Variants in RFC3 observed in about 807,000 individuals in gnomAD.
RFC3 encodes replication factor C subunit 3, also known as A1 38 kDa subunit.
A neutral mutation model predicts 45.1 loss-of-function variants in RFC3; 41 were observed. That is an observed-to-expected ratio of 0.91 (90% confidence interval 0.71 to 1.18). RFC3 has a LOEUF of 1.18. RFC3 is among the 50% of genes most tolerant of loss of function. The pLI is 0.00. For synonymous variants in RFC3, 149 were observed against 144.0 expected (o/e 1.03, Z -0.25); for missense variants, 423 against 428.1 (o/e 0.99, Z 0.10).
chr13:33,958,432 A>G (rs116217129), intron 8 of RFC3, among the ~76,000 whole-genome samples: 2,302 of 152,302 alleles, frequency 0.015, 67 homozygotes, highest in African/African-American at 0.053. Flanking sequence ...CTTATAATCA[A>G]GTGAAGCTTT....
intron 8 of RFC3, among the ~76,000 whole-genome samples, chr13:33,899,383 G>A (rs371282746): frequency 2.4e-4 from 36 of 151,608 alleles, no homozygotes; most frequent in Non-Finnish European, 3.8e-4. Flanking sequence ...TTCAACATAC[G>A]CAAATCAGTA....
At chr13:33,939,707 G>T (rs1038181053) in intron 8 of RFC3, among the ~76,000 whole-genome samples, 1 of 152,144 alleles carries the variant, frequency 6.6e-6, no homozygotes, top group African/African-American at 2.4e-5. Flanking sequence ...TCGGAAGCGG[G>T]AACAGTCTTG....
intron 8 of RFC3, among the ~76,000 whole-genome samples, chr13:33,859,072 T>C (rs552505996): frequency 1.4e-4 from 21 of 152,352 alleles, no homozygotes; most frequent in Non-Finnish European, 2.9e-4. Context: ...TCACATTTAT[T>C]GTTCCTGGTA....
chr13:33,923,478 T>G (rs1384496027), intron 8 of RFC3, among the ~76,000 whole-genome samples: 1 of 152,030 alleles, frequency 6.6e-6, no homozygotes, highest in Non-Finnish European at 1.5e-5. Context: ...ACACGAAAAC[T>G]AGTGGATTCA....
chr13:33,902,544 G>A (rs1438295788), intron 8 of RFC3, among the ~76,000 whole-genome samples: 1 of 152,038 alleles, frequency 6.6e-6, no homozygotes, highest in African/African-American at 2.4e-5. Flanking sequence ...AGCATTTAAT[G>A]ATTATAGTTT....
chr13:33,838,164 A>T, downstream of RFC3, among the ~76,000 whole-genome samples: 1 of 152,078 alleles, frequency 6.6e-6, no homozygotes, highest in East Asian at 1.9e-4. Context: ...TAATATCTTG[A>T]TATATTGACT....
intron 8 of RFC3, among the ~76,000 whole-genome samples, chr13:33,871,670 A>G (rs9315261): frequency 0.77 from 116,876 of 152,102 alleles, 47,384 homozygotes; most frequent in Non-Finnish European, 0.92. Context: ...ATATCCCTTT[A>G]CCTTGCATTA....
At chr13:33,906,290 T>C (rs1014379133) in intron 8 of RFC3, among the ~76,000 whole-genome samples, 3 of 151,826 alleles carry the variant, frequency 2.0e-5, no homozygotes, top group South Asian at 2.1e-4. Context: ...GAGAGATTGA[T>C]TGGTAGTTTA....
intron 8 of RFC3, among the ~76,000 whole-genome samples, chr13:33,910,962 G>T (rs1439088029): frequency 2.6e-5 from 4 of 151,700 alleles, no homozygotes; most frequent in African/African-American, 9.7e-5. Flanking sequence ...CACGAAAGGG[G>T]GAAATCCACA....
chr13:33,825,495 A>T (rs763493200), intron 3 of RFC3, among the ~76,000 whole-genome samples: 9 of 152,160 alleles, frequency 5.9e-5, no homozygotes, highest in Non-Finnish European at 1.2e-4. Flanking sequence ...TATAGTCGGT[A>T]CAGAAGTGTC....
intron 5 of RFC3, 124 bp downstream of exon 5, chr13:33,830,141 C>G: frequency 1.3e-6 from 1 of 796,364 alleles, no homozygotes. Flanking sequence ...GGATGCAAAG[C>G]ATTAATATGT....
At chr13:33,966,658 A>C (rs1467960403), downstream of RFC3, 3 of 153,276 alleles carry the variant, frequency 2.0e-5, no homozygotes, top group South Asian at 2.1e-4. Flanking sequence ...ATTATATTCA[A>C]ATTACAGCTT....
At chr13:33,918,177 CCT>C (rs1373180119) in intron 8 of RFC3, among the ~76,000 whole-genome samples, 1 of 152,282 alleles carries the variant, frequency 6.6e-6, no homozygotes, top group East Asian at 1.9e-4. Flanking sequence ...CATCATTCTG[CCT>C]CTCAAGGCAA....
intron 8 of RFC3, among the ~76,000 whole-genome samples, chr13:33,876,582 T>C (rs764984559): frequency 8.5e-5 from 13 of 152,226 alleles, no homozygotes; most frequent in Admixed American, 1.3e-4. Flanking sequence ...ATAGATAGTT[T>C]ATTTAAATTA....
intron 8 of RFC3, among the ~76,000 whole-genome samples, chr13:33,925,524 A>G (rs1361214160): frequency 1.4e-5 from 2 of 143,440 alleles, no homozygotes; most frequent in Non-Finnish European, 3.0e-5. Context: ...AGTGTACTAT[A>G]TACATACATA....
At chr13:33,976,019 G>A in the RFC3 span, among the ~76,000 whole-genome samples, 1 of 152,098 alleles carries the variant, frequency 6.6e-6, no homozygotes, top group Non-Finnish European at 1.5e-5. Context: ...GGAAATATTC[G>A]AGATGAACTT....
chr13:33,938,184 C>A (rs1374358009), intron 8 of RFC3, among the ~76,000 whole-genome samples: 28 of 70,760 alleles, frequency 4.0e-4, no homozygotes, highest in African/African-American at 9.9e-4. Context: ...AGTCCAACTG[C>A]AAAAAAAAAA....
At chr13:33,901,832 C>T (rs1027509860) in intron 8 of RFC3, among the ~76,000 whole-genome samples, 51 of 151,000 alleles carry the variant, frequency 3.4e-4, no homozygotes, top group Admixed American at 6.6e-5. Context: ...TAAATAAAAA[C>T]ACATAAAAAT....
intron 8 of RFC3, among the ~76,000 whole-genome samples, chr13:33,880,768 G>A (rs184559361): frequency 1.2e-3 from 178 of 152,216 alleles, no homozygotes; most frequent in Middle Eastern, 6.8e-3. Context: ...AGATGTGCAC[G>A]CATTATAAGA....
Sources: allele counts gnomAD v4.1 joint callset (sites outside exome capture counted in the v4.1 genomes callset), GRCh38; gene constraint gnomAD v4.1.1; transcripts MANE v1.5; gene names NCBI Gene and HGNC (gene_info 2026-07-23, HGNC 2026-07-21).